Variants in MAPK10 observed in about 807,000 individuals in gnomAD.
MAPK10 encodes mitogen-activated protein kinase 10.
In MAPK10, 25 loss-of-function variants were observed where a neutral mutation model predicts 59.3. That is an observed-to-expected ratio of 0.42 (90% CI 0.31 to 0.59). The LOEUF (loss-of-function observed/expected upper bound fraction) is 0.59, where lower values mean the gene tolerates loss of function less well. MAPK10 is among the 20% of genes least tolerant of loss of function. The pLI is 0.15. For missense variants in MAPK10, 351 were observed against 568.9 expected, an observed-to-expected ratio of 0.62 and a Z score of 3.90; for synonymous variants, 190 against 200.5, an observed-to-expected ratio of 0.95 and a Z score of 0.44.
At chr4:86,380,842 T>C (rs1288513403) in intron 1 of MAPK10, among the ~76,000 whole-genome samples, 1 of 139,632 alleles carries the variant, frequency 7.2e-6, no homozygotes, top group East Asian at 2.2e-4. Flanking sequence ...GTTTCTGTAC[T>C]TTTTGTTGGA....
At chr4:86,155,764 T>A (rs976124581) in intron 4 of MAPK10, among the ~76,000 whole-genome samples, 1 of 152,116 alleles carries the variant, frequency 6.6e-6, no homozygotes, top group Non-Finnish European at 1.5e-5. Context: ...CCTCATTAAG[T>A]TGGGAACTTT....
At chr4:86,556,453 A>T (rs1760276978) in intron 1 of MAPK10, among the ~76,000 whole-genome samples, 1 of 152,166 alleles carries the variant, frequency 6.6e-6, no homozygotes. Context: ...AATATAACAC[A>T]TGTGCACCTA....
rs182183979 is a variant in MAPK10 at position 86,265,378 on chromosome 4, A to G, written c.-6-70971T>C. On this transcript the variant is annotated intron_variant, in intron 2 of 13. Transcript: ENST00000641462. ...ACAAAATTTAGCCTGGCATGGTGGC[A>G]GGCACCTGCAATCCCAGCTACTCAG... is the stretch of plus-strand genomic sequence containing the variant. 4.0e-3 allele frequency among the ~76,000 whole-genome samples: 604 copies of G among 152,032 alleles called. 2 individuals carry two copies. The highest frequency in any genetic ancestry group is 0.014 in the African/African-American group (573 of 41,504).
chr4:86,481,344 CA>C (rs1753598961), intron 1 of MAPK10, among the ~76,000 whole-genome samples: 1 of 151,370 alleles, frequency 6.6e-6, no homozygotes, highest in Non-Finnish European at 1.5e-5. Flanking sequence ...CACCAATCAG[CA>C]TACTAAAGCA....
At chr4:86,325,373 G>GAGGCACAGTAGCTTTTGAAAGTTATTC (rs2095999452) in intron 2 of MAPK10, among the ~76,000 whole-genome samples, 1 of 152,190 alleles carries the variant, frequency 6.6e-6, no homozygotes, top group Admixed American at 6.5e-5. Context: ...AAAAGAAATT[G>GAGGCACAGTAGCTTTTGAAAGTTATTC]AGGCACAGTA....
At chr4:86,459,452 C>T (rs1751528517) in intron 1 of MAPK10, among the ~76,000 whole-genome samples, 1 of 152,196 alleles carries the variant, frequency 6.6e-6, no homozygotes, top group Non-Finnish European at 1.5e-5. Context: ...CTTGCACACA[C>T]ATGTTTATAG....
intron 1 of MAPK10, among the ~76,000 whole-genome samples, chr4:86,355,850 A>G (rs1302182337): frequency 6.6e-6 from 1 of 152,194 alleles, no homozygotes; most frequent in Non-Finnish European, 1.5e-5. Context: ...TTCACTATCA[A>G]TGCTTTCAGA....
At chr4:86,064,183 C>G (rs1440822971) in intron 11 of MAPK10, 83 bp downstream of exon 11, 2 of 1,521,888 alleles carry the variant, frequency 1.3e-6, no homozygotes, top group Non-Finnish European at 1.8e-6. Context: ...ATTGTGCATT[C>G]TTTAGGCTTC....
chr4:86,084,986 A>G (rs1047525706), intron 9 of MAPK10, among the ~76,000 whole-genome samples: 1 of 152,222 alleles, frequency 6.6e-6, no homozygotes, highest in African/African-American at 2.4e-5. Context: ...TGCCAAGAAC[A>G]TACACTGGGG....
chr4:86,179,297 A>T (rs952513158), intron 3 of MAPK10, among the ~76,000 whole-genome samples: 3 of 152,150 alleles, frequency 2.0e-5, no homozygotes, highest in African/African-American at 7.2e-5. Context: ...GAATAAATTT[A>T]ACCAAGGAGG....
rs528418775 is a variant in MAPK10 at position 86,588,782 on chromosome 4, G to T, written c.-263+5128C>A. 7.4e-4 allele frequency among the ~76,000 whole-genome samples: 113 copies of T among 152,230 alleles called. 1 individual carries two copies. The highest frequency in any genetic ancestry group is 2.6e-3 in the African/African-American group (106 of 41,556). On this transcript the variant is annotated intron_variant, in intron 1 of 4. Coordinates refer to the MAPK10 transcript ENST00000502302. The stretch of plus-strand genomic sequence containing the variant: ...ACAGAAACTTTTTATTATATTTTAT[G>T]TAGTAAAATGTACAAATTATTTTAA...
intron 11 of MAPK10, among the ~76,000 whole-genome samples, chr4:86,037,811 C>T (rs550534846): frequency 6.6e-6 from 1 of 152,214 alleles, no homozygotes; most frequent in African/African-American, 2.4e-5. Context: ...CAGATGAATA[C>T]ATTTATGGTC....
chr4:86,098,759 A>G (rs1371177904), intron 8 of MAPK10, 164 bp from the exon 9 acceptor site: 2 of 604,190 alleles, frequency 3.3e-6, no homozygotes, highest in South Asian at 4.1e-5. Flanking sequence ...GCGCTATGCT[A>G]TTACATAAAC....
chr4:86,403,536 A>C (rs970073185), intron 1 of MAPK10, among the ~76,000 whole-genome samples: 2 of 152,066 alleles, frequency 1.3e-5, no homozygotes, highest in Non-Finnish European at 2.9e-5. Context: ...CACACACAAA[A>C]AACAACAACA....
At chr4:86,201,276 T>A (rs76717541) in intron 2 of MAPK10, among the ~76,000 whole-genome samples, 3,318 of 151,986 alleles carry the variant, frequency 0.022, 52 homozygotes, top group South Asian at 0.043. Context: ...GTTGAAGGAA[T>A]ATGTTTAACT....
At chr4:86,475,462 A>G (rs1280295949) in intron 1 of MAPK10, among the ~76,000 whole-genome samples, 1 of 151,954 alleles carries the variant, frequency 6.6e-6, no homozygotes, top group Admixed American at 6.6e-5. Context: ...CCACACTTCA[A>G]TCTCTCCCTT....
At chr4:86,185,933 A>C (rs1236172489) in intron 3 of MAPK10, among the ~76,000 whole-genome samples, 1 of 152,130 alleles carries the variant, frequency 6.6e-6, no homozygotes, top group African/African-American at 2.4e-5. Context: ...GGAGATGTAG[A>C]ACAGACAGTT....
chr4:86,444,668 C>T (rs116264653), intron 1 of MAPK10, among the ~76,000 whole-genome samples: 3,619 of 150,982 alleles, frequency 0.024, 134 homozygotes, highest in African/African-American at 0.084. Flanking sequence ...GCAATCTATC[C>T]ATTTCTCAAA....
chr4:86,365,850 T>C (rs552246222), intron 1 of MAPK10, among the ~76,000 whole-genome samples: 14 of 149,294 alleles, frequency 9.4e-5, no homozygotes, highest in Admixed American at 4.0e-4. Context: ...GTTCTATCAA[T>C]CATAAGAGTT....
Sources: allele counts gnomAD v4.1 joint callset (sites outside exome capture counted in the v4.1 genomes callset), GRCh38; gene constraint gnomAD v4.1.1; transcripts MANE v1.5; gene names NCBI Gene and HGNC (gene_info 2026-07-23, HGNC 2026-07-21).